The following MMP24 variants were observed in gnomAD, a reference collection of about 807,000 sequenced individuals.
MMP24 encodes the protein matrix metalloproteinase-24.
Under a neutral mutation model 62.8 loss-of-function variants are expected in MMP24, and 25 were observed. The ratio of observed to expected loss-of-function variants is 0.40; its 90% CI spans 0.29 to 0.56. MMP24 has a LOEUF of 0.56. Among genes scored for constraint, MMP24 ranks in the 20% least tolerant of loss-of-function variants. MMP24 has a pLI of 0.50. For missense variants in MMP24, 634 were observed against 853.6 expected, an observed-to-expected ratio of 0.74 and a Z score of 3.21; for synonymous variants, 319 against 350.5, an observed-to-expected ratio of 0.91 and a Z score of 1.00.
Position 35,267,258 on chromosome 20 carries a change from C to T in MMP24, c.1033C>T (p.Arg345Cys), listed in dbSNP as rs767735814. 9 of 1,606,620 alleles carry T rather than the reference C, an allele frequency of 5.6e-6. No homozygotes were observed. The highest frequency in any genetic ancestry group is 1.7e-4 in the Middle Eastern group (1 of 6,052). Residue 345 changes from arginine to cysteine, a missense_variant, in exon 6 of 9, where the codon CGC becomes TGC. Around this residue, in one of 3 missense-constraint regions of MMP24, gnomAD observed 399 missense variants for 530.8 expected, o/e 0.75. Coordinates refer to ENST00000246186, the MANE Select transcript of MMP24 (RefSeq NM_006690.4). ...AAGGCCACTCCCTACACTCCCCGTC[C>T]GCAGGATCCACTCACCATCGGAGAG... ...PTRPLPTLPVRRIHSPSERKH... is the reference protein window; with the variant it reads ...PTRPLPTLPVCRIHSPSERKH...
rs554703879 is a variant in MMP24 at position 35,269,025 on chromosome 20, T to TA, written c.1195-720dup. ...CTGGGTGACAGAGCGAGACTCCATC[T>TA]AAAAAAAAAAAAAAAGAAAGAAAAC... On this transcript the variant is annotated intron_variant, in intron 6 of 8. Transcript: ENST00000246186. The surrounding 1 kb of genome is among the most constrained non-coding windows in gnomAD (Gnocchi z 4.6). 0.019 allele frequency among the ~76,000 whole-genome samples: 2,611 copies of TA among 136,464 alleles called. 67 individuals are homozygous for TA. Among genetic ancestry groups the TA allele is most frequent in the African/African-American group, 0.064 (2,364 of 37,000 alleles). The allele number at this position is 136,464 out of a possible 152,430, so 89.5% of individuals were successfully genotyped here. A position where few individuals can be genotyped will look rare whatever the true frequency, so the allele number is the denominator to read the frequency against.
chr20:35,265,374 G>A (rs73616648), intron 5 of MMP24, among the ~76,000 whole-genome samples: 31 of 151,654 alleles, frequency 2.0e-4, no homozygotes, highest in South Asian at 6.2e-4. Context: ...CCCGGGAGGC[G>A]GAGGTTGCAG....
intron 1 of MMP24, among the ~76,000 whole-genome samples, chr20:35,245,675 C>T (rs1465023569): frequency 6.6e-6 from 1 of 151,936 alleles, no homozygotes; most frequent in African/African-American, 2.4e-5. Context: ...TCTCGAACTC[C>T]TGACCTCAAG....
chr20:35,276,013 T>A lies in MMP24; in HGVS notation c.*1404T>A. ...TAGACAAGGCCAATGGGTTCATCAA[T>A]GCCCACTGGCTCTCTGCCAAAGCCA... On this transcript the variant is annotated 3_prime_UTR_variant, in exon 9 of 9. Transcript: ENST00000246186. 2.5e-6 allele frequency: 1 copy of A among 398,642 alleles called. No homozygotes were observed. Among genetic ancestry groups the A allele is most frequent in the Admixed American group, 4.4e-5 (1 of 22,710 alleles). The allele number at this position is 398,642 out of a possible 1,614,324, so 24.7% of individuals were successfully genotyped here. A position where few individuals can be genotyped will look rare whatever the true frequency, so the allele number is the denominator to read the frequency against.
chr20:35,264,154 G>C, intron 5 of MMP24: 1 of 522,590 alleles, frequency 1.9e-6, no homozygotes, highest in Non-Finnish European at 3.2e-6. Flanking sequence ...GGGAAACCTA[G>C]GGGAGGGTCT....
Position 35,269,652 on chromosome 20 carries a change from G to A in MMP24, c.1195-108G>A. 1 of 1,345,746 alleles carries A rather than the reference G, an allele frequency of 7.4e-7. No homozygotes were observed. The highest frequency in any genetic ancestry group is 2.4e-5 in the Admixed American group (1 of 41,202). 83.4% of individuals were successfully genotyped at this position (1,345,746 alleles called of 1,614,324 possible). A position where few individuals can be genotyped will look rare whatever the true frequency, so the allele number is the denominator to read the frequency against. ...AAAAGTCAGAAGCAGCTAATGGACA[G>A]TCTCGGTGGAGGGCTGGGCTGTTGG... On this transcript the variant is annotated intron_variant, in intron 6 of 8. Transcript: ENST00000246186. The surrounding 1 kb of genome is among the most constrained non-coding windows in gnomAD (Gnocchi z 4.6).
rs761319634 is a variant in MMP24 at position 35,274,405 on chromosome 20, G to T, written c.1734G>T (p.Lys578Asn). Residue 578 changes from lysine (K) to asparagine (N), a missense_variant, in exon 9 of 9, where the codon AAG becomes AAT. Physicochemically the swap from Lys to Asn is moderately conservative, Grantham distance 94 (BLOSUM62 0). This residue lies in a region of MMP24 where 399 missense variants were observed against 530.8 expected (regional missense o/e 0.75). Transcript: ENST00000246186. This position sits in a 1 kb window ranked among gnomAD's most constrained non-coding sequence, Gnocchi z 5.1. ...ACCAGAAGGAGGTGGAGCGGCGGAAGGAGCGGCGGCTGCCCCAGGACGACG... is the reference window on the plus strand; with the variant it reads ...ACCAGAAGGAGGTGGAGCGGCGGAATGAGCGGCGGCTGCCCCAGGACGACG... ...GCNQKEVERRKERRLPQDDVD... is the reference protein window; with the variant it reads ...GCNQKEVERRNERRLPQDDVD... The T allele has an allele frequency of 3.1e-6, 5 of 1,613,830 alleles. No individual in the cohort carries two copies. The highest frequency in any genetic ancestry group is 4.2e-6 in the Non-Finnish European group (5 of 1,179,898).
Position 35,251,882 on chromosome 20 carries a change from G to A in MMP24, c.396-23G>A, listed in dbSNP as rs764139651. ...CAGTGACCACAGTGCATATGCGTGTGTGTGTGTCCTCTCTCTGCCCAGGTG... is the reference window on the plus strand; with the variant it reads ...CAGTGACCACAGTGCATATGCGTGTATGTGTGTCCTCTCTCTGCCCAGGTG... On this transcript the variant is annotated intron_variant, in intron 2 of 8. Transcript: ENST00000246186. 2.5e-6 allele frequency: 4 copies of A among 1,570,284 alleles called. No homozygotes were observed. In the African/African-American group the frequency reaches 5.4e-5, roughly 21 times the overall value.
chr20:35,229,162 C>T (rs904804394), intron 1 of MMP24, among the ~76,000 whole-genome samples: 3 of 152,208 alleles, frequency 2.0e-5, no homozygotes, highest in Non-Finnish European at 1.5e-5. Context: ...TCTTGCATTG[C>T]ACTCAGTAAC....
In MMP24 at chr20:35,274,339, A is replaced by G; in HGVS notation, c.1668A>G (p.Pro556=). 1.9e-6 allele frequency: 3 copies of G among 1,613,842 alleles called. No individual in the cohort carries two copies. Among genetic ancestry groups the G allele is most frequent in the Non-Finnish European group, 2.5e-6 (3 of 1,179,890 alleles). Reference sequence around the variant, plus strand: ...ACAACCAGAAACTGAGCGTGGAGCCAGGCTACCCGCGCAACATCCTGCGTG... The same window carrying G: ...ACAACCAGAAACTGAGCGTGGAGCCGGGCTACCCGCGCAACATCCTGCGTG... ...KFDNQKLSVE[P]GYPRNILRDW... is the part of the protein sequence containing the mutation. The change falls in exon 9 of 9, where the codon CCA becomes CCG. Residue 556 remains proline, a synonymous_variant. Coordinates refer to ENST00000246186, the MANE Select transcript of MMP24 (RefSeq NM_006690.4). The surrounding 1 kb of genome is among the most constrained non-coding windows in gnomAD (Gnocchi z 5.1).
intron 1 of MMP24, among the ~76,000 whole-genome samples, chr20:35,234,700 G>A (rs778774178): frequency 4.6e-5 from 7 of 152,210 alleles, no homozygotes; most frequent in Non-Finnish European, 8.8e-5. Flanking sequence ...GCTAGAGGTT[G>A]GGGTACTTGA....
At chr20:35,260,270 G>C (rs534300461) in intron 4 of MMP24, among the ~76,000 whole-genome samples, 47 of 152,292 alleles carry the variant, frequency 3.1e-4, no homozygotes, top group Admixed American at 2.7e-3. Context: ...TGGCTCCCTC[G>C]CTCTTCCCTT....
chr20:35,273,047 G>A (rs1238477348), intron 8 of MMP24, among the ~76,000 whole-genome samples: 1 of 152,154 alleles, frequency 6.6e-6, no homozygotes, highest in Non-Finnish European at 1.5e-5. Context: ...CTTGTGTGGT[G>A]GGAGCTGGGG....
In MMP24 at chr20:35,251,954, C is replaced by T. The variant is rs1340807664; in HGVS notation, c.445C>T (p.Arg149Cys). The change falls in exon 3 of 9, where the codon CGT (arginine) becomes TGT (cysteine). Residue 149 changes from arginine to cysteine, a missense_variant. By Grantham distance (180) the Arg-to-Cys change is radical. Transcript: ENST00000246186. ...CGVPDHPHLSRRRRNKRYALT... is the reference protein window; with the variant it reads ...CGVPDHPHLSCRRRNKRYALT... ...TGTCCCTGATCACCCCCACTTAAGC[C>T]GTAGGCGGAGAAACAAGCGCTATGC... 7.4e-6 allele frequency: 12 copies of T among 1,613,912 alleles called. No individual in the cohort carries two copies. Among genetic ancestry groups the T allele is most frequent in the East Asian group, 6.7e-5 (3 of 44,896 alleles).
intron 4 of MMP24, 178 bp from the exon 5 acceptor site, chr20:35,263,613 C>T: frequency 4.2e-6 from 2 of 475,104 alleles, no homozygotes; most frequent in Non-Finnish European, 7.4e-6. Flanking sequence ...CTCCTTGTCC[C>T]TGCTCTGCAG....
At position 35,271,920 on chromosome 20, in the gene MMP24, T is replaced by C. The variant is rs1425315519; in HGVS notation, c.1600+85T>C. The stretch of plus-strand genomic sequence containing the variant: ...TGCCCACGGGCATACTCAGTGCCCA[T>C]GGGCGTCCAGGTTTGAAAAAACACC... On this transcript the variant is annotated intron_variant, in intron 8 of 8. Transcript: ENST00000246186. The surrounding 1 kb of genome is among the most constrained non-coding windows in gnomAD (Gnocchi z 4.0). 3 of 1,436,004 alleles carry C rather than the reference T, an allele frequency of 2.1e-6. No homozygotes were observed. The highest frequency in any genetic ancestry group is 2.8e-6 in the Non-Finnish European group (3 of 1,086,222). 89.0% of individuals were successfully genotyped at this position (1,436,004 alleles called of 1,614,324 possible).
chr20:35,249,883 G>T (rs1249909195), intron 2 of MMP24, among the ~76,000 whole-genome samples: 4 of 151,936 alleles, frequency 2.6e-5, no homozygotes, highest in South Asian at 2.1e-4. Context: ...GTGAGCCACC[G>T]TGCCTGGCCC....
Position 35,274,785 on chromosome 20 carries a change from G to A in MMP24, c.*176G>A. On this transcript the variant is annotated 3_prime_UTR_variant, in exon 9 of 9. Coordinates refer to ENST00000246186, the MANE Select transcript of MMP24 (RefSeq NM_006690.4). This position sits in a 1 kb window ranked among gnomAD's most constrained non-coding sequence, Gnocchi z 5.1. ...CTGAGCGTGGGGCAGGGAATTATGG[G>A]GGCTGTGCCCCAGGGTGGGTGTCTG... The A allele has an allele frequency of 1.6e-6, 1 of 636,086 alleles. No individual in the cohort carries two copies. Among genetic ancestry groups the A allele is most frequent in the Non-Finnish European group, 2.7e-6 (1 of 372,904 alleles). The allele number at this position is 636,086 out of a possible 1,614,324, so 39.4% of individuals were successfully genotyped here.
At chr20:35,229,829 G>A (rs76614104) in intron 1 of MMP24, among the ~76,000 whole-genome samples, 3,053 of 151,942 alleles carry the variant, frequency 0.02, 86 homozygotes, top group African/African-American at 0.07. Flanking sequence ...ACCCCTACCC[G>A]TTCATTTGAA....
Sources: gnomAD v4.1 joint callset for allele counts (sites outside exome capture counted in the v4.1 genomes callset) on GRCh38, gnomAD v4.1.1 for gene constraint, gnomAD v4.1.1 regional missense constraint, Gnocchi (gnomAD v3.1) non-coding constraint, MANE v1.5 for transcripts, NCBI Gene and HGNC (gene_info 2026-07-23, HGNC 2026-07-21) for gene names.